The following NSD2 variants were observed in gnomAD, a reference collection of about 807,000 sequenced individuals.
NSD2 encodes the protein histone-lysine N-methyltransferase NSD2.
A neutral mutation model predicts 139.0 loss-of-function variants in NSD2; 12 were observed. That is an observed-to-expected ratio of 0.09 (90% confidence interval 0.06 to 0.14). NSD2 has a LOEUF of 0.14. Among genes scored for constraint, NSD2 ranks in the 10% least tolerant of loss-of-function variants. The pLI is 1.00. For missense variants in NSD2, 1,155 were observed against 1,745.0 expected, an observed-to-expected ratio of 0.66 and a Z score of 6.02; for synonymous variants, 669 against 648.7, an observed-to-expected ratio of 1.03 and a Z score of -0.48.
chr4:1,903,356 C>T (rs1318592081), intron 2 of NSD2, among the ~76,000 whole-genome samples: 3 of 152,150 alleles, frequency 2.0e-5, no homozygotes, highest in Admixed American at 6.5e-5. Context: ...GAATGTTCAG[C>T]CTTAACCTAC....
chr4:1,906,397 C>G (rs1354648496), intron 3 of NSD2, among the ~76,000 whole-genome samples: 2 of 151,884 alleles, frequency 1.3e-5, no homozygotes, highest in Non-Finnish European at 2.9e-5. Context: ...TGCCACCACA[C>G]CTGGCTAATT....
Position 1,951,052 on chromosome 4 carries a change from T to C in NSD2, c.1882-20T>C, listed in dbSNP as rs761686189. 6.2e-7 allele frequency: 1 copy of C among 1,613,584 alleles called. No homozygotes were observed. Among genetic ancestry groups the C allele is most frequent in the Non-Finnish European group, 8.5e-7 (1 of 1,179,750 alleles). On this transcript the variant is annotated intron_variant, in intron 9 of 21. Coordinates refer to ENST00000508803, the MANE Select transcript of NSD2 (RefSeq NM_001042424.3). ...GTGTTCTGCGACTAGTGAACTGTCATCCGCCTCCTTCATCTCTAGGTCTCG... is the reference window on the plus strand; with the variant it reads ...GTGTTCTGCGACTAGTGAACTGTCACCCGCCTCCTTCATCTCTAGGTCTCG...
At position 1,942,677 on chromosome 4, in the gene NSD2, TG is replaced by T; in HGVS notation, c.1881+2904del. On this transcript the variant is annotated intron_variant, in intron 9 of 21. Coordinates refer to ENST00000508803, the MANE Select transcript of NSD2 (RefSeq NM_001042424.3). This position sits in a 1 kb window ranked among gnomAD's most constrained non-coding sequence, Gnocchi z 4.0. ...CAAGTTGAAAGGCAGTCCCTTTAGT[TG>T]GGGGCTGTCCAGAGCTGCAGCAGGG... 1 of 1,159,124 alleles carries T rather than the reference TG, an allele frequency of 8.6e-7. No homozygotes were observed. The highest frequency in any genetic ancestry group is 1.1e-6 in the Non-Finnish European group (1 of 936,430). The allele number at this position is 1,159,124 out of a possible 1,614,324, so 71.8% of individuals were successfully genotyped here.
chr4:1,934,616 G>A (rs1194534495), intron 6 of NSD2, among the ~76,000 whole-genome samples: 2 of 149,702 alleles, frequency 1.3e-5, no homozygotes, highest in African/African-American at 2.4e-5. Flanking sequence ...TTGGGAGGCC[G>A]AGGCAGGCGG....
chr4:1,975,301 G>A lies in NSD2; in HGVS notation c.3522G>A (p.Glu1174=). ...TGTCTCCTCTTCTCCCAGGGACGGA[G>A]CTGACTTTTAACTACAACCTCGATT... ...FAVCDIPAGT[E]LTFNYNLDCL... is the part of the protein sequence containing the mutation. The change falls in exon 20 of 22, where the codon GAG becomes GAA. Residue 1174 remains glutamate (E), a synonymous_variant. Coordinates refer to ENST00000508803, the MANE Select transcript of NSD2 (RefSeq NM_001042424.3). The A allele has an allele frequency of 1.2e-6, 2 of 1,614,202 alleles. No homozygotes were observed. The highest frequency in any genetic ancestry group is 1.7e-6 in the Non-Finnish European group (2 of 1,180,038).
Position 1,980,886 on chromosome 4 carries a change from C to A in NSD2, c.*1977C>A, listed in dbSNP as rs1361868642. The A allele has an allele frequency of 4.3e-6, 1 of 233,166 alleles. No homozygotes were observed. Among genetic ancestry groups the A allele is most frequent in the Non-Finnish European group, 8.5e-6 (1 of 118,056 alleles). The allele number at this position is 233,166 out of a possible 1,614,324, so 14.4% of individuals were successfully genotyped here. Reference sequence around the variant, plus strand: ...CTGGATCGGCTCATAGATTTATGCTCCTTATGATGCCCTAACTTGGAAGGT... The same window carrying A: ...CTGGATCGGCTCATAGATTTATGCTACTTATGATGCCCTAACTTGGAAGGT... On this transcript the variant is annotated 3_prime_UTR_variant, in exon 22 of 22. Coordinates refer to ENST00000508803, the MANE Select transcript of NSD2 (RefSeq NM_001042424.3).
chr4:1,958,153 G>C lies in NSD2; in HGVS notation c.2985+117G>C, dbSNP rs1725019360. On this transcript the variant is annotated intron_variant, in intron 16 of 21. Coordinates refer to ENST00000508803, the MANE Select transcript of NSD2 (RefSeq NM_001042424.3). The surrounding 1 kb of genome is among the most constrained non-coding windows in gnomAD (Gnocchi z 4.6). The stretch of plus-strand genomic sequence containing the variant: ...AGAGGACTGTCACCAGCCAGGATCT[G>C]TGGTGCCTGGCATGGATGGCCACAC... The C allele has an allele frequency of 9.8e-7, 1 of 1,019,636 alleles. No homozygotes were observed. Among genetic ancestry groups the C allele is most frequent in the Non-Finnish European group, 1.5e-6 (1 of 684,532 alleles). 63.2% of individuals were successfully genotyped at this position (1,019,636 alleles called of 1,614,324 possible).
chr4:1,940,062 G>A, intron 9 of NSD2: 3 of 1,289,414 alleles, frequency 2.3e-6, no homozygotes, highest in Admixed American at 3.3e-5. Flanking sequence ...AAATCTGTCT[G>A]AAGAATGTTG....
intron 1 of NSD2, among the ~76,000 whole-genome samples, chr4:1,875,157 G>C (rs1181140222): frequency 1.3e-5 from 2 of 151,492 alleles, no homozygotes; most frequent in Non-Finnish European, 1.5e-5. Flanking sequence ...AGTCAGTCTT[G>C]CAGTGTTTGG....
At chr4:1,963,967 C>T (rs1222326423) in intron 18 of NSD2, among the ~76,000 whole-genome samples, 1 of 152,180 alleles carries the variant, frequency 6.6e-6, no homozygotes, top group African/African-American at 2.4e-5. Flanking sequence ...CAATATATTC[C>T]AGCCTGGGGG....
At chr4:1,881,689 TC>T (rs1308485459) in intron 1 of NSD2, among the ~76,000 whole-genome samples, 1 of 152,212 alleles carries the variant, frequency 6.6e-6, no homozygotes, top group Non-Finnish European at 1.5e-5. Flanking sequence ...GAGCCACCCC[TC>T]TGAGCCCTGG....
intron 19 of NSD2, 42 bp downstream of exon 19, chr4:1,975,046 G>A (rs1726924424): frequency 6.2e-7 from 1 of 1,612,650 alleles, no homozygotes; most frequent in Admixed American, 1.7e-5. Context: ...CTGGCTATGG[G>A]GGCAGAGTGG....
chr4:1,951,269 G>A (rs1041613115), intron 10 of NSD2, 66 bp downstream of exon 10: 98 of 1,601,136 alleles, frequency 6.1e-5, no homozygotes, highest in Middle Eastern at 5.6e-4. Context: ...TACGCAGAGC[G>A]AATTTGTAGT....
chr4:1,981,726 GTGCA>G lies in NSD2; in HGVS notation c.*2818_*2821del, dbSNP rs1727783081. 2.5e-6 allele frequency: 1 copy of G among 396,570 alleles called. No homozygotes were observed. The highest frequency in any genetic ancestry group is 4.4e-5 in the Admixed American group (1 of 22,672). The allele number at this position is 396,570 out of a possible 1,614,324, so 24.6% of individuals were successfully genotyped here. A position where few individuals can be genotyped will look rare whatever the true frequency, so the allele number is the denominator to read the frequency against. ...TGTCTTGACATCTAAACCCCGGCGT[GTGCA>G]GTGCCCATCTTCCAGGACTACCTTA... On this transcript the variant is annotated 3_prime_UTR_variant, in exon 22 of 22. Transcript: ENST00000508803.
chr4:1,976,607 G>A lies in NSD2; in HGVS notation c.3754G>A (p.Val1252Met). Residue 1252 changes from valine (V) to methionine (M), a missense_variant, in exon 21 of 22, where the codon GTG becomes ATG. This residue lies in a region of NSD2 where 25 missense variants were observed against 75.1 expected (regional missense o/e 0.33). Transcript: ENST00000508803. The surrounding 1 kb of genome is among the most constrained non-coding windows in gnomAD (Gnocchi z 5.3). ...CCGCTGCGGTGATGGCGGGCAGCTGGTGCTGTGTGACCGCAAGTTCTGCAC... is the reference window on the plus strand; with the variant it reads ...CCGCTGCGGTGATGGCGGGCAGCTGATGCTGTGTGACCGCAAGTTCTGCAC... Reference protein sequence around the residue: ...CFRCGDGGQLVLCDRKFCTKA... With the variant: ...CFRCGDGGQLMLCDRKFCTKA... The A allele has an allele frequency of 1.2e-6, 2 of 1,610,574 alleles. No individual in the cohort carries two copies. Among genetic ancestry groups the A allele is most frequent in the Non-Finnish European group, 1.7e-6 (2 of 1,178,478 alleles).
At chr4:1,961,817 G>A (rs751608776) in intron 18 of NSD2, among the ~76,000 whole-genome samples, 21 of 152,200 alleles carry the variant, frequency 1.4e-4, no homozygotes, top group African/African-American at 1.7e-4. Context: ...TCCCTCACAC[G>A]GCAGGCTTTT....
At chr4:1,934,996 GA>G in intron 6 of NSD2, 147 bp from the exon 7 acceptor site, 2 of 436,684 alleles carry the variant, frequency 4.6e-6, no homozygotes, top group Non-Finnish European at 4.1e-6. Flanking sequence ...TGATCTGTAA[GA>G]CATAAGCCCT....
In NSD2 at chr4:1,974,793, G is replaced by T. The variant is rs753322430; in HGVS notation, c.3373-70G>T. The T allele has an allele frequency of 6.2e-6, 10 of 1,601,510 alleles. No individual in the cohort carries two copies. In the East Asian group the frequency reaches 2.0e-4, roughly 32 times the overall value. ...CAACTTGTTCAATGTGCTTTATGAT[G>T]GTGAAAATTCCCTTTAAAAATAACA... On this transcript the variant is annotated intron_variant, in intron 18 of 21. Coordinates refer to ENST00000508803, the MANE Select transcript of NSD2 (RefSeq NM_001042424.3). The surrounding 1 kb of genome is among the most constrained non-coding windows in gnomAD (Gnocchi z 4.0).
intron 3 of NSD2, among the ~76,000 whole-genome samples, chr4:1,909,569 C>T (rs1407302148): frequency 2.0e-5 from 3 of 151,730 alleles, no homozygotes; most frequent in East Asian, 1.9e-4. Flanking sequence ...TAGCTCCTGC[C>T]GTGGAGTGGG....
Sources: gnomAD v4.1 joint callset for allele counts (sites outside exome capture counted in the v4.1 genomes callset) on GRCh38, gnomAD v4.1.1 for gene constraint, gnomAD v4.1.1 regional missense constraint, Gnocchi (gnomAD v3.1) non-coding constraint, MANE v1.5 for transcripts, NCBI Gene and HGNC (gene_info 2026-07-23, HGNC 2026-07-21) for gene names.